The following ENPP5 variants were observed in gnomAD, a reference collection of about 807,000 sequenced individuals.
ENPP5 encodes the protein E-NPP 5.
ENPP5 carries 27 observed loss-of-function variants against 33.7 expected under a neutral mutation model. The ratio of observed to expected loss-of-function variants is 0.80; its 90% CI spans 0.59 to 1.11. The LOEUF (loss-of-function observed/expected upper bound fraction) is 1.11, where lower values mean the gene tolerates loss of function less well. Ranked by LOEUF, ENPP5 falls within the 50% of genes least tolerant of loss-of-function variation. The probability of loss-of-function intolerance (pLI) is 0.00; values close to 1 mark genes in which losing one functional copy is unlikely to be tolerated. For synonymous variants in ENPP5, 199 were observed against 200.5 expected (o/e 0.99, Z 0.06); for missense variants, 552 against 579.2 (o/e 0.95, Z 0.48).
At position 46,161,443 on chromosome 6, in the gene ENPP5, A is replaced by C; in HGVS notation, c.1317T>G (p.Leu439=). The change falls in exon 5 of 5, where the codon CTT becomes CTG. Residue 439 remains leucine, a synonymous_variant. Coordinates refer to ENST00000371383, the MANE Select transcript of ENPP5 (RefSeq NM_001290072.2). ...GSYPYFIGVS[L]GSIIVIVFFV... Reference sequence around the variant, plus strand: ...AAAATACAATCACTATAATGCTGCCAAGAGAGACCCCTATGAAATAAGGGT... The same window carrying C: ...AAAATACAATCACTATAATGCTGCCCAGAGAGACCCCTATGAAATAAGGGT... 6.2e-7 allele frequency: 1 copy of C among 1,613,928 alleles called. No individual in the cohort carries two copies. The highest frequency in any genetic ancestry group is 1.3e-5 in the African/African-American group (1 of 75,060).
chr6:46,161,623 G>A lies in ENPP5; in HGVS notation c.1137C>T (p.His379=), dbSNP rs1421596220. 8 of 1,613,886 alleles carry A rather than the reference G, an allele frequency of 5.0e-6. No individual in the cohort carries two copies. The South Asian group carries it at 6.6e-5, about 13-fold the overall frequency. The change falls in exon 5 of 5, where the codon CAC becomes CAT. Residue 379 remains histidine (H), a synonymous_variant. Coordinates refer to ENST00000371383, the MANE Select transcript of ENPP5 (RefSeq NM_001290072.2). ...NSTDLYPLLC[H]LLNITAMPHN... ...GTGGCATGGCGGTGATATTGAGGAG[G>A]TGGCATAGTAGTGGGTACAAATCTG...
Position 46,167,812 on chromosome 6 carries a change from GA to G in ENPP5, c.450del (p.Pro151LeufsTer30). 1 of 1,614,118 alleles carries G rather than the reference GA, an allele frequency of 6.2e-7. No homozygotes were observed. Among genetic ancestry groups the G allele is most frequent in the South Asian group, 1.1e-5 (1 of 91,070 alleles). ...PGTDVKIHKR[F>X]PTHYMPYNES... The stretch of plus-strand genomic sequence containing the variant: ...TCATTGTAAGGCATGTAATGAGTAG[GA>G]AAGCGCTTATGTATTTTTACATCTG... On this transcript the variant is annotated frameshift_variant, in exon 3 of 5. Transcript: ENST00000371383. LOFTEE classifies it high-confidence loss of function.
chr6:46,170,764 G>A (rs1764713012), intron 1 of ENPP5, 44 bp downstream of exon 1: 1 of 152,242 alleles, frequency 6.6e-6, no homozygotes, highest in African/African-American at 2.4e-5. Flanking sequence ...CAGAGGAGCA[G>A]TGTGGGTTCC....
chr6:46,161,888 C>T (rs1160575537), intron 4 of ENPP5, 135 bp from the exon 5 acceptor site: 1 of 696,372 alleles, frequency 1.4e-6, no homozygotes, highest in African/African-American at 1.8e-5. Flanking sequence ...CTTTGACAAA[C>T]AATCTCTGCT....
At chr6:46,168,331 A>G (rs1032500013) in intron 2 of ENPP5, 34 bp from the exon 3 acceptor site, 1 of 1,090,842 alleles carries the variant, frequency 9.2e-7, no homozygotes, top group Non-Finnish European at 1.3e-6. Context: ...TAAAGGCAAT[A>G]ATTTTGTTTT....
At chr6:46,168,649 CTT>C (rs1432249887) in intron 2 of ENPP5, among the ~76,000 whole-genome samples, 5 of 152,022 alleles carry the variant, frequency 3.3e-5, no homozygotes, top group Non-Finnish European at 7.4e-5. Context: ...TGGTCAGAAA[CTT>C]TTTTATAGTC....
chr6:46,163,394 G>C lies in ENPP5; in HGVS notation c.1007-1641C>G, dbSNP rs972156173. On this transcript the variant is annotated intron_variant, in intron 4 of 4. Transcript: ENST00000371383. ...CCCCCACCCCACAACAGTCCCCAGA[G>C]TGTGATATTCCCCTTCCTGTGTCCA... Among the ~76,000 whole-genome samples the C allele has an allele frequency of 4.2e-5, 5 of 119,196 alleles. No homozygotes were observed. The East Asian group carries it at 1.3e-3, about 30-fold the overall frequency. 78.2% of individuals were successfully genotyped at this position (119,196 alleles called of 152,430 possible). A position where few individuals can be genotyped will look rare whatever the true frequency, so the allele number is the denominator to read the frequency against.
chr6:46,166,340 G>A (rs545695673), intron 3 of ENPP5, among the ~76,000 whole-genome samples: 1 of 150,812 alleles, frequency 6.6e-6, no homozygotes, highest in Non-Finnish European at 1.5e-5. Flanking sequence ...GTCGCCCAAG[G>A]AGGAGTGCAG....
At position 46,161,376 on chromosome 6, in the gene ENPP5, C is replaced by T; in HGVS notation, c.1384G>A (p.Ala462Thr). The T allele has an allele frequency of 1.9e-6, 3 of 1,613,654 alleles. No homozygotes were observed. The highest frequency in any genetic ancestry group is 2.5e-6 in the Non-Finnish European group (3 of 1,179,742). The change falls in exon 5 of 5, where the codon GCC becomes ACC. Residue 462 changes from alanine (A) to threonine (T), a missense_variant. Ala to Thr is a moderately conservative substitution (Grantham distance 58, BLOSUM62 0). Transcript: ENST00000371383. Reference protein sequence around the residue: ...IKHLIHSQIPALQDMHAEIAQ... With the variant: ...IKHLIHSQIPTLQDMHAEIAQ... ...ATTTCAGCATGCATATCTTGTAAGGCAGGTATTTGACTGTGAATTAAATGC... is the reference window on the plus strand; with the variant it reads ...ATTTCAGCATGCATATCTTGTAAGGTAGGTATTTGACTGTGAATTAAATGC...
chr6:46,161,861 T>C (rs562958356), intron 4 of ENPP5, 108 bp from the exon 5 acceptor site: 2 of 781,514 alleles, frequency 2.6e-6, no homozygotes, highest in South Asian at 3.3e-5. Flanking sequence ...CTAGTTTGAC[T>C]GTAAACATAA....
chr6:46,165,555 CAAATTTACCT>C lies in ENPP5; in HGVS notation c.830-2_837del. On this transcript the variant is annotated splice_acceptor_variant and coding_sequence_variant, in exon 4 of 5. Coordinates refer to ENST00000371383, the MANE Select transcript of ENPP5 (RefSeq NM_001290072.2). LOFTEE classifies it high-confidence loss of function. ...TGAGTTAGTGCTTCATAGACTTCAT[CAAATTTACCT>C]AAAGAGAAGGGAGGAGAGGCACTCA... 1 of 1,564,804 alleles carries C rather than the reference CAAATTTACCT, an allele frequency of 6.4e-7. No homozygotes were observed. Among genetic ancestry groups the C allele is most frequent in the Non-Finnish European group, 8.6e-7 (1 of 1,162,908 alleles).
intron 3 of ENPP5, 79 bp from the exon 4 acceptor site, chr6:46,165,642 A>T: frequency 3.4e-6 from 4 of 1,160,332 alleles, no homozygotes; most frequent in Non-Finnish European, 4.7e-6. Context: ...CTTGCTACGG[A>T]GGTGAAAAAC....
At chr6:46,166,493 C>G (rs917244268) in intron 3 of ENPP5, among the ~76,000 whole-genome samples, 1 of 146,378 alleles carries the variant, frequency 6.8e-6, no homozygotes, top group Non-Finnish European at 1.5e-5. Flanking sequence ...CTATGTTGCC[C>G]AGGCTGGCCT....
At chr6:46,166,684 C>T (rs1159276412) in intron 3 of ENPP5, among the ~76,000 whole-genome samples, 1 of 151,196 alleles carries the variant, frequency 6.6e-6, no homozygotes, top group Non-Finnish European at 1.5e-5. Flanking sequence ...TTCTAATTCC[C>T]CTCTGAGGGA....
chr6:46,161,786 A>C (rs1562067625), intron 4 of ENPP5, 33 bp from the exon 5 acceptor site: 2 of 1,510,658 alleles, frequency 1.3e-6, no homozygotes, highest in Non-Finnish European at 1.8e-6. Flanking sequence ...AAAGTTAGCC[A>C]ACTATGCATT....
Position 46,161,017 on chromosome 6 carries a change from C to G in ENPP5, c.*309G>C, listed in dbSNP as rs1465318841. 1 of 305,978 alleles carries G rather than the reference C, an allele frequency of 3.3e-6. No individual in the cohort carries two copies. Among genetic ancestry groups the G allele is most frequent in the Non-Finnish European group, 6.2e-6 (1 of 162,254 alleles). The allele number at this position is 305,978 out of a possible 1,614,324, so 19.0% of individuals were successfully genotyped here. A position where few individuals can be genotyped will look rare whatever the true frequency, so the allele number is the denominator to read the frequency against. The stretch of plus-strand genomic sequence containing the variant: ...AATTTAAAGTGCAATACATAAGGTA[C>G]TTTACATAGTGCAAAGTTGCTAAAT... On this transcript the variant is annotated 3_prime_UTR_variant, in exon 5 of 5. Coordinates refer to ENST00000371383, the MANE Select transcript of ENPP5 (RefSeq NM_001290072.2).
At chr6:46,165,637 T>A in intron 3 of ENPP5, 74 bp from the exon 4 acceptor site, 1 of 1,188,424 alleles carries the variant, frequency 8.4e-7, no homozygotes, top group East Asian at 2.7e-5. Context: ...ACAGACTTGC[T>A]ACGGAGGTGA....
chr6:46,165,944 G>C (rs1025808843), intron 3 of ENPP5, among the ~76,000 whole-genome samples: 1 of 152,088 alleles, frequency 6.6e-6, no homozygotes, highest in African/African-American at 2.4e-5. Flanking sequence ...GTGGGTGAGG[G>C]CTGGGAAAAG....
In ENPP5 at chr6:46,160,950, T is replaced by C. The variant is rs569150967; in HGVS notation, c.*376A>G. The C allele has an allele frequency of 1.4e-4, 27 of 189,360 alleles. No homozygotes were observed. Among genetic ancestry groups the C allele is most frequent in the Admixed American group, 3.2e-4 (6 of 18,910 alleles). The allele number at this position is 189,360 out of a possible 1,614,324, so 11.7% of individuals were successfully genotyped here. The stretch of plus-strand genomic sequence containing the variant: ...TCAATCAAGTTATAAGACATAACTG[T>C]GCATAAAGTGCATTTCAAATTAAAG... On this transcript the variant is annotated 3_prime_UTR_variant, in exon 5 of 5. Transcript: ENST00000371383.
Sources: allele counts gnomAD v4.1 joint callset (sites outside exome capture counted in the v4.1 genomes callset), GRCh38; gene constraint gnomAD v4.1.1; transcripts MANE v1.5; gene names NCBI Gene and HGNC (gene_info 2026-07-23, HGNC 2026-07-21).